Variants in WWOX observed in about 807,000 individuals in gnomAD.
WWOX encodes WW domain containing oxidoreductase.
In WWOX, 69 loss-of-function variants were observed where a neutral mutation model predicts 46.2. The observed-to-expected ratio is 1.49, with a 90% confidence interval of 1.23 to 1.82. WWOX has a LOEUF of 1.82. Among genes scored for constraint, WWOX ranks in the 40% most tolerant of loss-of-function variants. WWOX has a pLI of 0.00. For missense variants in WWOX, 919 were observed against 542.6 expected (o/e 1.69, Z -6.89); for synonymous variants, 359 against 202.6 (o/e 1.77, Z -6.56).
chr16:78,999,481 G>A (rs1167743067), intron 8 of WWOX, among the ~76,000 whole-genome samples: 1 of 152,110 alleles, frequency 6.6e-6, no homozygotes, highest in Admixed American at 6.5e-5. Flanking sequence ...AAGAAAGAAG[G>A]AATAGCTGCA....
intron 8 of WWOX, among the ~76,000 whole-genome samples, chr16:79,047,248 C>T (rs1271383969): frequency 2.0e-5 from 3 of 152,104 alleles, no homozygotes; most frequent in Admixed American, 6.6e-5. Context: ...ATGGATTCAC[C>T]ATGTATTTAA....
chr16:78,257,835 T>C (rs1876816036), intron 5 of WWOX, among the ~76,000 whole-genome samples: 1 of 152,186 alleles, frequency 6.6e-6, no homozygotes, highest in Non-Finnish European at 1.5e-5. Context: ...TACTATCTCA[T>C]TTATGTGACG....
intron 8 of WWOX, among the ~76,000 whole-genome samples, chr16:78,968,158 G>A (rs112159587): frequency 2.6e-3 from 45 of 17,032 alleles, no homozygotes; most frequent in South Asian, 7.1e-3. Context: ...CGTGGTCCGC[G>A]TGGCACAGCG....
intron 8 of WWOX, among the ~76,000 whole-genome samples, chr16:78,802,782 G>C (rs2050924092): frequency 6.6e-6 from 1 of 151,506 alleles, no homozygotes; most frequent in Non-Finnish European, 1.5e-5. Context: ...CAGGTGTGGT[G>C]GTGGGCGCCT....
intron 8 of WWOX, among the ~76,000 whole-genome samples, chr16:78,979,656 G>A (rs2046642757): frequency 6.6e-6 from 1 of 152,114 alleles, no homozygotes; most frequent in South Asian, 2.1e-4. Context: ...ATGTCTCTAA[G>A]ACAATGATCA....
intron 8 of WWOX, among the ~76,000 whole-genome samples, chr16:78,610,251 C>G (rs549716799): frequency 1.3e-5 from 2 of 152,132 alleles, no homozygotes; most frequent in Non-Finnish European, 2.9e-5. Context: ...TTTCATAATT[C>G]TTCCCAGAGA....
intron 8 of WWOX, among the ~76,000 whole-genome samples, chr16:78,686,047 A>C (rs1158882713): frequency 3.9e-5 from 6 of 152,322 alleles, no homozygotes; most frequent in South Asian, 2.1e-4. Flanking sequence ...GAATGAGATA[A>C]AAGGAAAAGA....
chr16:79,119,317 C>T (rs1358300746), intron 8 of WWOX, among the ~76,000 whole-genome samples: 1 of 152,036 alleles, frequency 6.6e-6, no homozygotes, highest in Non-Finnish European at 1.5e-5. Flanking sequence ...TACATTAACC[C>T]AGCATTTTGG....
intron 8 of WWOX, among the ~76,000 whole-genome samples, chr16:78,874,692 T>TTTC (rs1555555513): frequency 2.2e-5 from 3 of 139,272 alleles, no homozygotes; most frequent in African/African-American, 8.8e-5. Flanking sequence ...TTCTTTTTTT[T>TTTC]TTTTTTTTTT....
chr16:78,905,889 T>C (rs1464751403), intron 8 of WWOX, among the ~76,000 whole-genome samples: 1 of 152,190 alleles, frequency 6.6e-6, no homozygotes, highest in East Asian at 1.9e-4. Context: ...AAGTCATTAG[T>C]GTCGGAGCAC....
At chr16:78,843,114 G>C (rs1343687194) in intron 8 of WWOX, among the ~76,000 whole-genome samples, 1 of 149,566 alleles carries the variant, frequency 6.7e-6, no homozygotes, top group East Asian at 2.0e-4. Flanking sequence ...TGGCACCATA[G>C]AAATGTTTCC....
At chr16:78,575,093 A>T (rs1353319099) in intron 8 of WWOX, among the ~76,000 whole-genome samples, 4 of 56,756 alleles carry the variant, frequency 7.0e-5, no homozygotes, top group African/African-American at 2.2e-4. Context: ...ATATATATAT[A>T]TATTTAAAGC....
At chr16:78,340,519 G>C (rs1014084335) in intron 5 of WWOX, among the ~76,000 whole-genome samples, 2 of 120,252 alleles carry the variant, frequency 1.7e-5, no homozygotes, top group Non-Finnish European at 4.0e-5. Context: ...TCTTGATAAA[G>C]TCTTTCCCCA....
chr16:78,402,791 C>T (rs1207900390), intron 6 of WWOX, among the ~76,000 whole-genome samples: 3 of 152,192 alleles, frequency 2.0e-5, no homozygotes, highest in Non-Finnish European at 2.9e-5. Flanking sequence ...CTTCTCCTGA[C>T]CTCGGAAATA....
chr16:78,671,630 C>G (rs1236720147), intron 8 of WWOX, among the ~76,000 whole-genome samples: 1 of 152,104 alleles, frequency 6.6e-6, no homozygotes, highest in Non-Finnish European at 1.5e-5. Context: ...GATTCCCTAT[C>G]TCATTTGGAG....
chr16:79,137,236 A>T lies in WWOX; in HGVS notation c.1057-74372A>T, dbSNP rs115367284. ...CATACCCATGCTCTCTATTTCCTCGATAGACCTTATAGAAATCACCATGCT... is the reference window on the plus strand; with the variant it reads ...CATACCCATGCTCTCTATTTCCTCGTTAGACCTTATAGAAATCACCATGCT... On this transcript the variant is annotated intron_variant, in intron 8 of 8. Transcript: ENST00000566780. Among the ~76,000 whole-genome samples, 390 of 152,314 alleles carry T rather than the reference A, an allele frequency of 2.6e-3. 2 individuals carry two copies. Among genetic ancestry groups the T allele is most frequent in the African/African-American group, 8.9e-3 (369 of 41,562 alleles).
chr16:78,821,039 A>G (rs917645573), intron 8 of WWOX, among the ~76,000 whole-genome samples: 17 of 152,146 alleles, frequency 1.1e-4, no homozygotes, highest in Non-Finnish European at 2.9e-5. Flanking sequence ...TTACATTTGC[A>G]AAGACCCTGT....
chr16:79,072,676 A>C (rs966335064), intron 8 of WWOX, among the ~76,000 whole-genome samples: 1 of 152,156 alleles, frequency 6.6e-6, no homozygotes, highest in Non-Finnish European at 1.5e-5. Context: ...CATCTTCATC[A>C]TCACCATCAC....
chr16:79,112,472 G>T (rs1196021025), intron 8 of WWOX, among the ~76,000 whole-genome samples: 2 of 152,034 alleles, frequency 1.3e-5, no homozygotes, highest in African/African-American at 4.8e-5. Flanking sequence ...AGATGCCTGC[G>T]TGCCTTTTGA....
Sources: allele counts gnomAD v4.1 joint callset (sites outside exome capture counted in the v4.1 genomes callset), GRCh38; gene constraint gnomAD v4.1.1; transcripts MANE v1.5; gene names NCBI Gene and HGNC (gene_info 2026-07-23, HGNC 2026-07-21).